Variants in PSD3 observed in about 807,000 individuals in gnomAD.
PSD3 encodes PH and SEC7 domain-containing protein 3.
PSD3 carries 49 observed loss-of-function variants against 105.5 expected under a neutral mutation model. The observed-to-expected ratio is 0.46, with a 90% CI of 0.37 to 0.59. PSD3 has a LOEUF of 0.59. Ranked by LOEUF, PSD3 falls within the 20% of genes least tolerant of loss-of-function variation. The pLI is 0.00. For synonymous variants in PSD3, 557 were observed against 457.8 expected, an observed-to-expected ratio of 1.22 and a Z score of -2.77; for missense variants, 1,561 against 1,263.8, an observed-to-expected ratio of 1.24 and a Z score of -3.57.
chr8:18,553,982 C>G (rs2130118878), intron 15 of PSD3, among the ~76,000 whole-genome samples: 1 of 152,198 alleles, frequency 6.6e-6, no homozygotes, highest in East Asian at 1.9e-4. Flanking sequence ...TTGATGAAAG[C>G]AAGACTTAAT....
intron 9 of PSD3, among the ~76,000 whole-genome samples, chr8:18,671,057 G>T (rs547590503): frequency 6.6e-6 from 1 of 152,270 alleles, no homozygotes; most frequent in East Asian, 1.9e-4. Flanking sequence ...CACAGCGAGG[G>T]TTTCATTTGC....
At chr8:18,546,275 G>C (rs2130030263) in intron 15 of PSD3, among the ~76,000 whole-genome samples, 1 of 152,304 alleles carries the variant, frequency 6.6e-6, no homozygotes, top group South Asian at 2.1e-4. Context: ...GGGATTACAG[G>C]CGTGAGCCAC....
chr8:19,011,436 G>A (rs1293897157), intron 1 of PSD3, among the ~76,000 whole-genome samples: 2 of 152,138 alleles, frequency 1.3e-5, no homozygotes, highest in African/African-American at 4.8e-5. Flanking sequence ...ATCAGGGCTG[G>A]CAAACAAATA....
intron 14 of PSD3, among the ~76,000 whole-genome samples, chr8:18,560,689 G>T (rs574367904): frequency 1.2e-4 from 19 of 152,146 alleles, no homozygotes; most frequent in African/African-American, 4.6e-4. Context: ...AGTCACTTAG[G>T]ATTTCATTTA....
rs978893710 is a variant in PSD3, at chr8:18,666,735, G to A, written c.2173-11050C>T. Among the ~76,000 whole-genome samples, 18 of 148,978 alleles carry A rather than the reference G, an allele frequency of 1.2e-4. 1 individual carries two copies. The highest frequency in any genetic ancestry group is 4.2e-4 in the African/African-American group (17 of 40,274). ...CTATTGCTTTTTTTTGGGGGGTGGG[G>A]GGAAGTAGCTGGAAGCACACATTAT... On this transcript the variant is annotated intron_variant, in intron 9 of 15. Transcript: ENST00000327040.
chr8:18,863,515 CAT>C (rs1563357762), intron 4 of PSD3, among the ~76,000 whole-genome samples: 1 of 152,138 alleles, frequency 6.6e-6, no homozygotes, highest in African/African-American at 2.4e-5. Context: ...TTCCGGCTGA[CAT>C]GTGGCTCACT....
chr8:18,656,482 A>G (rs1157381558), intron 9 of PSD3, among the ~76,000 whole-genome samples: 2 of 136,376 alleles, frequency 1.5e-5, no homozygotes, highest in African/African-American at 5.8e-5. Flanking sequence ...TAGAGTTTCG[A>G]TACCACTGAC....
chr8:18,623,122 C>T (rs1275750385), intron 11 of PSD3, among the ~76,000 whole-genome samples: 25 of 152,056 alleles, frequency 1.6e-4, no homozygotes, highest in Non-Finnish European at 7.3e-5. Context: ...TAGATTCAAA[C>T]GGTCCTCCTG....
intron 10 of PSD3, among the ~76,000 whole-genome samples, chr8:18,651,070 C>T (rs1390446934): frequency 2.0e-5 from 3 of 152,122 alleles, no homozygotes; most frequent in African/African-American, 7.2e-5. Context: ...AGAACATATA[C>T]CTTAAAAATA....
At chr8:18,778,124 C>T (rs894377393) in intron 8 of PSD3, among the ~76,000 whole-genome samples, 2 of 152,180 alleles carry the variant, frequency 1.3e-5, no homozygotes, top group African/African-American at 4.8e-5. Flanking sequence ...ATAACTCTGA[C>T]ATTAATTTCC....
intron 8 of PSD3, among the ~76,000 whole-genome samples, chr8:18,771,162 A>C (rs1807487570): frequency 6.6e-6 from 1 of 152,120 alleles, no homozygotes; most frequent in Non-Finnish European, 1.5e-5. Flanking sequence ...GGGCACAGGA[A>C]TGGGGGGCAG....
At chr8:18,938,451 G>A (rs1392881551) in intron 1 of PSD3, among the ~76,000 whole-genome samples, 3 of 151,924 alleles carry the variant, frequency 2.0e-5, no homozygotes, top group African/African-American at 7.3e-5. Flanking sequence ...GCAAAACCCC[G>A]TCTCTACTAA....
chr8:18,567,982 G>C (rs1585261292), intron 14 of PSD3, among the ~76,000 whole-genome samples: 1 of 152,342 alleles, frequency 6.6e-6, no homozygotes, highest in Non-Finnish European at 1.5e-5. Context: ...ATTAGTTCAA[G>C]TGAAAGTGGG....
chr8:18,964,464 C>CT (rs34343222), intron 1 of PSD3, among the ~76,000 whole-genome samples: 49,472 of 151,358 alleles, frequency 0.33, 8,867 homozygotes, highest in Non-Finnish European at 0.41. Flanking sequence ...ACCTTAATGA[C>CT]TTTTTTTTGC....
At chr8:18,730,149 C>G (rs1245774146) in intron 9 of PSD3, 1 of 152,168 alleles carries the variant, frequency 6.6e-6, no homozygotes, top group Non-Finnish European at 1.5e-5. Context: ...GGCACCACTT[C>G]TTTTGAGATA....
chr8:18,962,813 C>T (rs1179742157), intron 1 of PSD3, among the ~76,000 whole-genome samples: 1 of 152,198 alleles, frequency 6.6e-6, no homozygotes. Context: ...TTACAACCAC[C>T]TGAAGATCTA....
At position 18,604,752 on chromosome 8, in the gene PSD3, C is replaced by T. The variant is rs568217406; in HGVS notation, c.2411-4318G>A. Among the ~76,000 whole-genome samples the T allele has an allele frequency of 1.4e-4, 22 of 152,236 alleles. No homozygotes were observed. In the East Asian group the frequency reaches 3.7e-3, roughly 26 times the overall value. On this transcript the variant is annotated intron_variant, in intron 11 of 15. Coordinates refer to ENST00000327040, the MANE Select transcript of PSD3 (RefSeq NM_015310.4). ...AGGGCACTGCTGCCCTGTGAAGCCT[C>T]GGGACACTGCTCCTTGCATCCCAGC... is the stretch of plus-strand genomic sequence containing the variant.
At chr8:18,549,880 C>T (rs1800662081) in intron 15 of PSD3, among the ~76,000 whole-genome samples, 1 of 152,160 alleles carries the variant, frequency 6.6e-6, no homozygotes. Flanking sequence ...TGTCATTCTC[C>T]TAAAAATACA....
At chr8:18,771,920 T>C (rs1807576727) in intron 8 of PSD3, among the ~76,000 whole-genome samples, 1 of 152,224 alleles carries the variant, frequency 6.6e-6, no homozygotes, top group Non-Finnish European at 1.5e-5. Context: ...GTAACCAACG[T>C]TCTACTTTCT....
Sources: allele counts gnomAD v4.1 joint callset (sites outside exome capture counted in the v4.1 genomes callset), GRCh38; gene constraint gnomAD v4.1.1; transcripts MANE v1.5; gene names NCBI Gene and HGNC (gene_info 2026-07-23, HGNC 2026-07-21).